CSMD3: variants seen among roughly 807,000 people sequenced by gnomAD.
CSMD3 encodes the protein CUB and sushi domain-containing protein 3.
A neutral mutation model predicts 435.2 loss-of-function variants in CSMD3; 177 were observed. That is an observed-to-expected ratio of 0.41 (90% CI 0.36 to 0.46). The LOEUF is 0.46. CSMD3 is among the 20% of genes least tolerant of loss of function. The pLI, the probability that CSMD3 is intolerant of heterozygous loss-of-function variation, is 0.34. For missense variants in CSMD3, 4,265 were observed against 4,504.6 expected (o/e 0.95, Z 1.52); for synonymous variants, 1,656 against 1,520.5 (o/e 1.09, Z -2.07).
At chr8:113,039,673 T>TA (rs2087517852) in intron 5 of CSMD3, among the ~76,000 whole-genome samples, 2 of 152,138 alleles carry the variant, frequency 1.3e-5, no homozygotes, top group South Asian at 4.1e-4. Context: ...TAAGGAGTAG[T>TA]AAAAACTTAA....
At chr8:112,308,282 A>G (rs182375513) in intron 50 of CSMD3, among the ~76,000 whole-genome samples, 7 of 152,262 alleles carry the variant, frequency 4.6e-5, no homozygotes, top group Non-Finnish European at 1.0e-4. Context: ...CCCAAAGATC[A>G]TGTATTTACT....
chr8:113,082,264 G>T (rs1019462789), intron 5 of CSMD3, among the ~76,000 whole-genome samples: 1 of 152,256 alleles, frequency 6.6e-6, no homozygotes, highest in East Asian at 1.9e-4. Flanking sequence ...CCCACTGCTG[G>T]TCCTGTGCAT....
At chr8:113,175,276 A>G (rs1011116296) in intron 3 of CSMD3, among the ~76,000 whole-genome samples, 2 of 151,834 alleles carry the variant, frequency 1.3e-5, no homozygotes, top group Non-Finnish European at 2.9e-5. Context: ...GTATGAGGTC[A>G]ATTTAATCAA....
At chr8:112,601,871 C>G (rs1293084126) in intron 22 of CSMD3, among the ~76,000 whole-genome samples, 1 of 152,138 alleles carries the variant, frequency 6.6e-6, no homozygotes, top group Non-Finnish European at 1.5e-5. Context: ...TAATTAAATA[C>G]TTAAAATTAT....
At chr8:112,596,956 A>G (rs976017943) in intron 22 of CSMD3, among the ~76,000 whole-genome samples, 1 of 152,060 alleles carries the variant, frequency 6.6e-6, no homozygotes, top group African/African-American at 2.4e-5. Flanking sequence ...AATTAAAAGA[A>G]CTAGAAAAGC....
At chr8:112,937,373 CAG>C (rs1340329912) in intron 9 of CSMD3, among the ~76,000 whole-genome samples, 1 of 131,078 alleles carries the variant, frequency 7.6e-6, no homozygotes, top group Admixed American at 8.5e-5. Context: ...TTTTTTGAGA[CAG>C]AGTCTCTCTC....
intron 12 of CSMD3, among the ~76,000 whole-genome samples, chr8:112,826,235 C>T (rs1279793379): frequency 7.9e-5 from 12 of 152,178 alleles, no homozygotes. Context: ...TTGCTGCCAC[C>T]CTTCCCCTGC....
At chr8:113,180,811 A>G (rs2092412345) in intron 3 of CSMD3, among the ~76,000 whole-genome samples, 1 of 151,990 alleles carries the variant, frequency 6.6e-6, no homozygotes, top group African/African-American at 2.4e-5. Flanking sequence ...TATGTGATTC[A>G]ATTCTGTTTC....
intron 9 of CSMD3, among the ~76,000 whole-genome samples, chr8:112,937,715 T>C (rs1430228438): frequency 6.6e-6 from 1 of 152,080 alleles, no homozygotes; most frequent in Non-Finnish European, 1.5e-5. Flanking sequence ...CAGAGAACAG[T>C]AGGATAAATA....
chr8:112,424,740 G>A (rs1812878527), intron 32 of CSMD3, among the ~76,000 whole-genome samples: 1 of 152,082 alleles, frequency 6.6e-6, no homozygotes, highest in African/African-American at 2.4e-5. Context: ...TCACTAGGCT[G>A]GAGTACAGTG....
At chr8:112,610,612 C>T (rs964680431) in intron 22 of CSMD3, among the ~76,000 whole-genome samples, 2 of 152,072 alleles carry the variant, frequency 1.3e-5, no homozygotes, top group African/African-American at 4.8e-5. Flanking sequence ...TGTCCAAAGA[C>T]CATTTTTACT....
intron 35 of CSMD3, among the ~76,000 whole-genome samples, chr8:112,395,077 T>C (rs1349886244): frequency 6.6e-6 from 1 of 152,224 alleles, no homozygotes; most frequent in Non-Finnish European, 1.5e-5. Flanking sequence ...CAACAAAATA[T>C]GCTATAGAAA....
At chr8:112,853,382 T>C (rs375187288) in intron 11 of CSMD3, among the ~76,000 whole-genome samples, 1 of 152,100 alleles carries the variant, frequency 6.6e-6, no homozygotes, top group Non-Finnish European at 1.5e-5. Flanking sequence ...CCTGCCATCA[T>C]GCCTGGCTAA....
chr8:113,254,044 AC>A (rs1327405750), intron 3 of CSMD3, among the ~76,000 whole-genome samples: 2 of 152,118 alleles, frequency 1.3e-5, no homozygotes, highest in Non-Finnish European at 2.9e-5. Flanking sequence ...ACCAATCTAG[AC>A]CTGCAAACAT....
At chr8:112,627,504 A>C (rs902667116) in intron 22 of CSMD3, among the ~76,000 whole-genome samples, 3 of 152,130 alleles carry the variant, frequency 2.0e-5, no homozygotes, top group Non-Finnish European at 4.4e-5. Context: ...CTGTAATTCA[A>C]ACTCTCTTTT....
chr8:113,401,914 T>C (rs1240290417), intron 1 of CSMD3, among the ~76,000 whole-genome samples: 2 of 151,608 alleles, frequency 1.3e-5, no homozygotes, highest in Non-Finnish European at 3.0e-5. Context: ...CCACACAGTA[T>C]AGATGTAGAG....
chr8:112,848,470 G>A (rs922366862), intron 11 of CSMD3, among the ~76,000 whole-genome samples: 3 of 151,880 alleles, frequency 2.0e-5, no homozygotes, highest in African/African-American at 7.3e-5. Context: ...TATGAGCTAG[G>A]TACTATGCTT....
At chr8:112,276,172 T>C (rs781485289) in intron 59 of CSMD3, among the ~76,000 whole-genome samples, 1 of 152,184 alleles carries the variant, frequency 6.6e-6, no homozygotes, top group Admixed American at 6.5e-5. Context: ...CAGTCAAACC[T>C]TAAAGCTCCA....
intron 10 of CSMD3, among the ~76,000 whole-genome samples, chr8:112,912,316 A>G (rs2082445750): frequency 2.0e-5 from 3 of 150,748 alleles, no homozygotes; most frequent in Non-Finnish European, 4.4e-5. Flanking sequence ...TTCTATTTTT[A>G]TTTTTTTCAG....
Sources: allele counts gnomAD v4.1 joint callset (sites outside exome capture counted in the v4.1 genomes callset), GRCh38; gene constraint gnomAD v4.1.1; transcripts MANE v1.5; gene names NCBI Gene and HGNC (gene_info 2026-07-23, HGNC 2026-07-21).